Variants in CANT1 observed in about 807,000 individuals in gnomAD.
CANT1 encodes calcium activated nucleotidase 1, also known as soluble calcium-activated nucleotidase 1.
CANT1 carries 26 observed loss-of-function variants against 30.0 expected under a neutral mutation model. The ratio of observed to expected loss-of-function variants is 0.87; its 90% CI spans 0.64 to 1.20. The LOEUF is 1.20. CANT1 is among the 50% of genes most tolerant of loss of function. CANT1 has a pLI of 0.00. For missense variants in CANT1, 518 were observed against 563.0 expected (o/e 0.92, Z 0.81); for synonymous variants, 246 against 251.8 (o/e 0.98, Z 0.22).
At chr17:79,000,771 G>C (rs185113498) in intron 1 of CANT1, among the ~76,000 whole-genome samples, 3 of 152,158 alleles carry the variant, frequency 2.0e-5, no homozygotes, top group Non-Finnish European at 4.4e-5. Flanking sequence ...TCTCTCCTAC[G>C]GGGCATCAGC....
chr17:79,002,147 A>T lies in CANT1; in HGVS notation c.-146-4184T>A, dbSNP rs981535623. ...TCGTAAACTTTCTTAAAACATGATG[A>T]GATGAGATTTTTTGTTAAGCTCATC... On this transcript the variant is annotated intron_variant, in intron 1 of 4. Coordinates refer to ENST00000392446, the MANE Select transcript of CANT1 (RefSeq NM_001159773.2). The surrounding 1 kb of genome is among the most constrained non-coding windows in gnomAD (Gnocchi z 4.0). 6.6e-6 allele frequency among the ~76,000 whole-genome samples: 1 copy of T among 152,150 alleles called. No individual in the cohort carries two copies. Among genetic ancestry groups the T allele is most frequent in the Admixed American group, 6.5e-5 (1 of 15,280 alleles).
In CANT1 at chr17:78,998,502, C is replaced by T; in HGVS notation, c.-146-539G>A. Among the ~76,000 whole-genome samples the T allele has an allele frequency of 6.6e-6, 1 of 152,246 alleles. No individual in the cohort carries two copies. Among genetic ancestry groups the T allele is most frequent in the East Asian group, 1.9e-4 (1 of 5,196 alleles). On this transcript the variant is annotated intron_variant, in intron 1 of 4. Transcript: ENST00000392446. The surrounding 1 kb of genome is among the most constrained non-coding windows in gnomAD (Gnocchi z 4.5). ...GCTCGGCTCACTGCGGGGCCTGGCT[C>T]GGCCGCAGGCCTCTCCCAGCTCACC...
At position 78,997,271 on chromosome 17, in the gene CANT1, T is replaced by C. The variant is rs755943793; in HGVS notation, c.352A>G (p.Arg118Gly). Residue 118 changes from arginine (R) to glycine (G), a missense_variant, in exon 3 of 5, where the codon AGG (arginine) becomes GGG (glycine). This residue lies in a region of CANT1 where 249 missense variants were observed against 268.8 expected (regional missense o/e 0.93). Transcript: ENST00000392446. This position sits in a 1 kb window ranked among gnomAD's most constrained non-coding sequence, Gnocchi z 7.5. ...AACCAGGTGTTTTCCTCTTGGGCCCTTGACTCTGTGTCCAGGTCTGCGATA... is the reference window on the plus strand; with the variant it reads ...AACCAGGTGTTTTCCTCTTGGGCCCCTGACTCTGTGTCCAGGTCTGCGATA... ...AVIADLDTES[R>G]AQEENTWFSY... 7 of 1,614,092 alleles carry C rather than the reference T, an allele frequency of 4.3e-6. No homozygotes were observed. The highest frequency in any genetic ancestry group is 2.2e-5 in the East Asian group (1 of 44,886).
At chr17:79,007,019 G>C (rs2071577252) in intron 1 of CANT1, among the ~76,000 whole-genome samples, 1 of 152,218 alleles carries the variant, frequency 6.6e-6, no homozygotes, top group Admixed American at 6.5e-5. Context: ...TAAGTCTTAA[G>C]CCAGACTTCA....
Position 78,993,259 on chromosome 17 carries a change from A to G in CANT1, c.*291T>C. On this transcript the variant is annotated 3_prime_UTR_variant, in exon 5 of 5. Transcript: ENST00000392446. The surrounding 1 kb of genome is among the most constrained non-coding windows in gnomAD (Gnocchi z 4.5). ...AACAAAAGAACATAGGAAAGAAAAG[A>G]AACGAGGTCGGATGGAAGAAACGAC... is the stretch of plus-strand genomic sequence containing the variant. 1 of 487,854 alleles carries G rather than the reference A, an allele frequency of 2.0e-6. No individual in the cohort carries two copies. The highest frequency in any genetic ancestry group is 1.9e-5 in the African/African-American group (1 of 52,186). 30.2% of individuals were successfully genotyped at this position (487,854 alleles called of 1,614,324 possible). A position where few individuals can be genotyped will look rare whatever the true frequency, so the allele number is the denominator to read the frequency against.
Position 78,997,552 on chromosome 17 carries a change from C to T in CANT1, c.71G>A (p.Gly24Asp). The T allele has an allele frequency of 1.3e-6, 2 of 1,562,462 alleles. No homozygotes were observed. Among genetic ancestry groups the T allele is most frequent in the Non-Finnish European group, 1.7e-6 (2 of 1,153,794 alleles). Residue 24 changes from glycine to aspartate, a missense_variant, in exon 3 of 5, where the codon GGC becomes GAC. Physicochemically the swap from Gly to Asp is moderately conservative, Grantham distance 94 (BLOSUM62 -1). Around this residue, in one of 3 missense-constraint regions of CANT1, gnomAD observed 249 missense variants for 268.8 expected, o/e 0.93. Coordinates refer to ENST00000392446, the MANE Select transcript of CANT1 (RefSeq NM_001159773.2). This position sits in a 1 kb window ranked among gnomAD's most constrained non-coding sequence, Gnocchi z 7.5. Reference protein sequence around the residue: ...SMHSLRISVGGLPVLASMTKA... With the variant: ...SMHSLRISVGDLPVLASMTKA... ...GGTCATGGACGCCAGCACAGGAAGG[C>T]CCCCCACACTGATCCGGAGGGAGTG...
chr17:78,997,545 A>T lies in CANT1; in HGVS notation c.78T>A (p.Pro26=). 1 of 1,565,246 alleles carries T rather than the reference A, an allele frequency of 6.4e-7. No homozygotes were observed. The highest frequency in any genetic ancestry group is 8.7e-7 in the Non-Finnish European group (1 of 1,154,780). ...CGGCCTTGGTCATGGACGCCAGCAC[A>T]GGAAGGCCCCCCACACTGATCCGGA... ...HSLRISVGGL[P]VLASMTKAAD... Residue 26 remains proline (P), a synonymous_variant, in exon 3 of 5, where the codon CCT becomes CCA. Transcript: ENST00000392446. This position sits in a 1 kb window ranked among gnomAD's most constrained non-coding sequence, Gnocchi z 7.5.
chr17:79,000,471 C>T (rs917964981), intron 1 of CANT1, among the ~76,000 whole-genome samples: 11 of 151,722 alleles, frequency 7.3e-5, no homozygotes, highest in Admixed American at 2.0e-4. Flanking sequence ...CCATACCCCC[C>T]GCCATGAAGT....
rs140112462 is a variant in CANT1, at chr17:78,997,190, C to T, written c.433G>A (p.Val145Met). 1.9e-5 allele frequency: 30 copies of T among 1,614,080 alleles called. No individual in the cohort carries two copies. Among genetic ancestry groups the T allele is most frequent in the East Asian group, 1.1e-4 (5 of 44,896 alleles). Residue 145 changes from valine to methionine, a missense_variant, in exon 3 of 5, where the codon GTG (valine) becomes ATG (methionine). By Grantham distance (21) the Val-to-Met change is conservative. Around this residue, in one of 3 missense-constraint regions of CANT1, gnomAD observed 249 missense variants for 268.8 expected, o/e 0.93. Transcript: ENST00000392446. This position sits in a 1 kb window ranked among gnomAD's most constrained non-coding sequence, Gnocchi z 7.5. Reference sequence around the variant, plus strand: ...ACCCCATGGTCTTTGTCCCATTCCACGGCCACCTTGTCCCCACTGTCTGAC... The same window carrying T: ...ACCCCATGGTCTTTGTCCCATTCCATGGCCACCTTGTCCCCACTGTCTGAC... Reference protein sequence around the residue: ...TLSDSGDKVAVEWDKDHGVLE... With the variant: ...TLSDSGDKVAMEWDKDHGVLE...
intron 1 of CANT1, among the ~76,000 whole-genome samples, chr17:79,003,120 G>A (rs73399884): frequency 2.6e-5 from 4 of 151,870 alleles, no homozygotes; most frequent in Non-Finnish European, 4.4e-5. Flanking sequence ...TCGAGGTCAC[G>A]CTGATTCCCC....
In CANT1 at chr17:78,996,836, G is replaced by A; in HGVS notation, c.631+156C>T. ...AGGCTATGCTCCTGGCTAAGGGTAA[G>A]GGGGCCGCAGGTCAGAGCAAGAGGG... On this transcript the variant is annotated intron_variant, in intron 3 of 4. Transcript: ENST00000392446. The surrounding 1 kb of genome is among the most constrained non-coding windows in gnomAD (Gnocchi z 5.1). 1 of 1,023,822 alleles carries A rather than the reference G, an allele frequency of 9.8e-7. No individual in the cohort carries two copies. Among genetic ancestry groups the A allele is most frequent in the Non-Finnish European group, 1.5e-6 (1 of 657,080 alleles). 63.4% of individuals were successfully genotyped at this position (1,023,822 alleles called of 1,614,324 possible). A position where few individuals can be genotyped will look rare whatever the true frequency, so the allele number is the denominator to read the frequency against.
rs144198814 is a variant in CANT1 at position 79,002,585 on chromosome 17, G to A, written c.-146-4622C>T. On this transcript the variant is annotated intron_variant, in intron 1 of 4. Transcript: ENST00000392446. This position sits in a 1 kb window ranked among gnomAD's most constrained non-coding sequence, Gnocchi z 4.0. ...TGGTGTGTAGATGTGGCTGATTAAA[G>A]CCAGCTAGGACTCCTCCCTGGCATG... is the stretch of plus-strand genomic sequence containing the variant. Among the ~76,000 whole-genome samples, 252 of 152,258 alleles carry A rather than the reference G, an allele frequency of 1.7e-3. 2 individuals are homozygous for A. The East Asian group carries it at 0.039, about 24-fold the overall frequency.
rs2145835021 is a variant in CANT1 at position 78,993,856 on chromosome 17, G to T, written c.900C>A (p.Arg300=). The change falls in exon 5 of 5, where the codon CGC becomes CGA. Residue 300 remains arginine, a synonymous_variant. Transcript: ENST00000392446. The surrounding 1 kb of genome is among the most constrained non-coding windows in gnomAD (Gnocchi z 4.5). Reference sequence around the variant, plus strand: ...CGCTGTAGCGCTCCTGGCTGGCGCGGCGCGGCAGGAAGAACCAGCGCTGCA... The same window carrying T: ...CGCTGTAGCGCTCCTGGCTGGCGCGTCGCGGCAGGAAGAACCAGCGCTGCA... ...DTLQRWFFLP[R]RASQERYSEK... The T allele has an allele frequency of 6.3e-7, 1 of 1,598,654 alleles. No homozygotes were observed. The highest frequency in any genetic ancestry group is 1.1e-5 in the South Asian group (1 of 90,522).
rs764400992 is a variant in CANT1 at position 78,997,016 on chromosome 17, C to T, written c.607G>A (p.Asp203Asn). Residue 203 changes from aspartate (D) to asparagine (N), a missense_variant, in exon 3 of 5, where the codon GAC becomes AAC. By Grantham distance (23) the Asp-to-Asn change is conservative. This residue lies in a region of CANT1 where 48 missense variants were observed against 82.5 expected (regional missense o/e 0.58). Transcript: ENST00000392446. The surrounding 1 kb of genome is among the most constrained non-coding windows in gnomAD (Gnocchi z 7.5). ...SKAVPWVILS[D>N]GDGTVEKGFK... ...CCTTTCTCCACGGTGCCGTCGCCGTCGGACAGAATCACCCAGGGCACGGCT... is the reference window on the plus strand; with the variant it reads ...CCTTTCTCCACGGTGCCGTCGCCGTTGGACAGAATCACCCAGGGCACGGCT... 27 of 1,614,100 alleles carry T rather than the reference C, an allele frequency of 1.7e-5. No homozygotes were observed. Among genetic ancestry groups the T allele is most frequent in the South Asian group, 4.4e-5 (4 of 91,090 alleles).
Position 79,008,891 on chromosome 17 carries a change from T to C in CANT1, c.-147+773A>G, listed in dbSNP as rs775977250. 6.6e-6 allele frequency among the ~76,000 whole-genome samples: 1 copy of C among 152,024 alleles called. No homozygotes were observed. The highest frequency in any genetic ancestry group is 2.1e-4 in the South Asian group (1 of 4,814). On this transcript the variant is annotated intron_variant, in intron 1 of 4. Transcript: ENST00000392446. The surrounding 1 kb of genome is among the most constrained non-coding windows in gnomAD (Gnocchi z 4.4). The stretch of plus-strand genomic sequence containing the variant: ...TGTGTGCCTGGAGGAAGGCTCCAAA[T>C]TGGATGAGGGCAGGGAGAGCAAGGA...
At position 78,996,429 on chromosome 17, in the gene CANT1, C is replaced by T. The variant is rs4789904; in HGVS notation, c.631+563G>A. Among the ~76,000 whole-genome samples, 20,212 of 152,206 alleles carry T rather than the reference C, an allele frequency of 0.13. 1,726 individuals carry two copies. Among genetic ancestry groups the T allele is most frequent in the East Asian group, 0.3 (1,551 of 5,158 alleles). Reference sequence around the variant, plus strand: ...AAAGCCTGTCCCTGCCCTGTGGAAGCAGCACCTCCTTTCTGGTGAACAAAA... The same window carrying T: ...AAAGCCTGTCCCTGCCCTGTGGAAGTAGCACCTCCTTTCTGGTGAACAAAA... On this transcript the variant is annotated intron_variant, in intron 3 of 4. Coordinates refer to ENST00000392446, the MANE Select transcript of CANT1 (RefSeq NM_001159773.2). This position sits in a 1 kb window ranked among gnomAD's most constrained non-coding sequence, Gnocchi z 5.1.
In CANT1 at chr17:79,002,207, ATTC is replaced by A. The variant is rs2071287940; in HGVS notation, c.-146-4247_-146-4245del. Among the ~76,000 whole-genome samples the A allele has an allele frequency of 6.6e-6, 1 of 152,120 alleles. No individual in the cohort carries two copies. The highest frequency in any genetic ancestry group is 1.5e-5 in the Non-Finnish European group (1 of 68,022). On this transcript the variant is annotated intron_variant, in intron 1 of 4. Transcript: ENST00000392446. The surrounding 1 kb of genome is among the most constrained non-coding windows in gnomAD (Gnocchi z 4.0). ...TGGATTTTATGTGTGGCCCAAGACAATTCTTCTTCCAATGTGGCCCAGGGAAGC... is the reference window on the plus strand; with the variant it reads ...TGGATTTTATGTGTGGCCCAAGACAATTCTTCCAATGTGGCCCAGGGAAGC...
chr17:78,997,744 A>G lies in CANT1; in HGVS notation c.-23+96T>C. ...GGCGCTGGAGGCTGACTTTTCCAGA[A>G]GAAACAGTATTTCACTACTCTGTGG... On this transcript the variant is annotated intron_variant, in intron 2 of 4. Transcript: ENST00000392446. The surrounding 1 kb of genome is among the most constrained non-coding windows in gnomAD (Gnocchi z 7.5). 2 of 1,073,356 alleles carry G rather than the reference A, an allele frequency of 1.9e-6. No individual in the cohort carries two copies. The highest frequency in any genetic ancestry group is 2.6e-6 in the Non-Finnish European group (2 of 767,114). The allele number at this position is 1,073,356 out of a possible 1,614,324, so 66.5% of individuals were successfully genotyped here.
chr17:79,001,935 T>C (rs907466814), intron 1 of CANT1, among the ~76,000 whole-genome samples: 5 of 151,946 alleles, frequency 3.3e-5, no homozygotes, highest in Non-Finnish European at 5.9e-5. Context: ...TCAGGAGCCA[T>C]CCCAGGAAGC....
Sources: allele counts gnomAD v4.1 joint callset (sites outside exome capture counted in the v4.1 genomes callset), GRCh38; gene constraint gnomAD v4.1.1; regional missense constraint gnomAD v4.1.1; non-coding constraint Gnocchi (gnomAD v3.1); transcripts MANE v1.5; gene names NCBI Gene and HGNC (gene_info 2026-07-23, HGNC 2026-07-21).